SH3PXD2A: variants seen among roughly 807,000 people sequenced by gnomAD.
SH3PXD2A encodes the protein SH3 and PX domain-containing protein 2A.
Under a neutral mutation model 115.2 loss-of-function variants are expected in SH3PXD2A, and 32 were observed. The ratio of observed to expected loss-of-function variants is 0.28; its 90% CI spans 0.21 to 0.37. The LOEUF (loss-of-function observed/expected upper bound fraction) is 0.37. Among genes scored for constraint, SH3PXD2A ranks in the 10% least tolerant of loss-of-function variants. SH3PXD2A has a pLI of 1.00. For missense variants in SH3PXD2A, 1,328 were observed against 1,498.7 expected (o/e 0.89, Z 1.88); for synonymous variants, 610 against 629.1 (o/e 0.97, Z 0.45).
chr10:103,800,885 T>G (rs932178629), intron 2 of SH3PXD2A, among the ~76,000 whole-genome samples: 2 of 152,210 alleles, frequency 1.3e-5, no homozygotes, highest in African/African-American at 4.8e-5. Flanking sequence ...TCTGTTTCGG[T>G]CTTCCCTGAG....
chr10:103,603,932 C>A, intron 14 of SH3PXD2A, 143 bp from the exon 15 acceptor site: 2 of 905,370 alleles, frequency 2.2e-6, no homozygotes, highest in Non-Finnish European at 1.6e-6. Context: ...GTAAGTGGCC[C>A]AAAACCCAAT....
intron 6 of SH3PXD2A, among the ~76,000 whole-genome samples, chr10:103,670,640 A>G (rs778705602): frequency 6.6e-6 from 1 of 152,192 alleles, no homozygotes; most frequent in Non-Finnish European, 1.5e-5. Flanking sequence ...ACACCGGGTT[A>G]TCTGGAATGG....
At chr10:103,747,437 G>C (rs1264588179) in intron 3 of SH3PXD2A, among the ~76,000 whole-genome samples, 1 of 152,206 alleles carries the variant, frequency 6.6e-6, no homozygotes, top group Admixed American at 6.5e-5. Context: ...CCTCCCTCCA[G>C]GGGAGGCTGC....
At chr10:103,649,308 G>A (rs1483181149) in intron 8 of SH3PXD2A, among the ~76,000 whole-genome samples, 1 of 152,200 alleles carries the variant, frequency 6.6e-6, no homozygotes, top group Non-Finnish European at 1.5e-5. Context: ...AGCAAAGCCG[G>A]TGCTCAGAGA....
Position 103,758,890 on chromosome 10 carries a change from C to T in SH3PXD2A, c.229+8204G>A, listed in dbSNP as rs977161187. On this transcript the variant is annotated intron_variant, in intron 3 of 14. Coordinates refer to ENST00000369774, the MANE Select transcript of SH3PXD2A (RefSeq NM_001394015.1). ...ACATAGTTTGGCTTTTCCTGACATCCCAGGTCACCTGTGGGACCCAGAAAC... is the reference window on the plus strand; with the variant it reads ...ACATAGTTTGGCTTTTCCTGACATCTCAGGTCACCTGTGGGACCCAGAAAC... Among the ~76,000 whole-genome samples, 3 of 152,184 alleles carry T rather than the reference C, an allele frequency of 2.0e-5. No homozygotes were observed. The East Asian group carries it at 5.8e-4, about 29-fold the overall frequency.
At chr10:103,675,055 A>G (rs1564860749) in intron 6 of SH3PXD2A, among the ~76,000 whole-genome samples, 1 of 152,126 alleles carries the variant, frequency 6.6e-6, no homozygotes, top group East Asian at 1.9e-4. Context: ...GGTCAGAGAT[A>G]CCCATGGCAT....
At chr10:103,714,729 A>C (rs1046399704) in intron 5 of SH3PXD2A, among the ~76,000 whole-genome samples, 8 of 152,184 alleles carry the variant, frequency 5.3e-5, no homozygotes, top group Admixed American at 5.2e-4. Context: ...CCTCCTGCCC[A>C]TCAACATAAA....
rs867184209 is a variant in SH3PXD2A, at chr10:103,616,030, G to A, written c.920+1167C>T. 2.4e-4 allele frequency among the ~76,000 whole-genome samples: 36 copies of A among 151,092 alleles called. 1 individual carries two copies. In the South Asian group the frequency reaches 5.5e-3, roughly 23 times the overall value. On this transcript the variant is annotated intron_variant, in intron 11 of 14. Coordinates refer to ENST00000369774, the MANE Select transcript of SH3PXD2A (RefSeq NM_001394015.1). ...ATGCACCAGGGCTCCGGGGTGGGGC[G>A]GGGTGGGGGCGGGGTAGGGGCGGGG...
intron 5 of SH3PXD2A, among the ~76,000 whole-genome samples, chr10:103,720,269 A>G (rs973046394): frequency 1.3e-5 from 2 of 152,250 alleles, no homozygotes; most frequent in Non-Finnish European, 2.9e-5. Context: ...GTGAGGAGGC[A>G]AAACCACCAT....
intron 8 of SH3PXD2A, among the ~76,000 whole-genome samples, chr10:103,633,489 G>A (rs2036815575): frequency 1.3e-5 from 2 of 151,640 alleles, no homozygotes; most frequent in African/African-American, 4.9e-5. Context: ...ACTTTGGAAG[G>A]CCGAGGCAGG....
intron 8 of SH3PXD2A, among the ~76,000 whole-genome samples, chr10:103,648,143 A>G (rs1159107836): frequency 6.6e-6 from 1 of 152,136 alleles, no homozygotes; most frequent in Non-Finnish European, 1.5e-5. Flanking sequence ...AGGCGATGAG[A>G]AGGGCCCAGG....
chr10:103,626,691 C>T (rs1340113865), intron 9 of SH3PXD2A, among the ~76,000 whole-genome samples: 1 of 150,812 alleles, frequency 6.6e-6, no homozygotes, highest in Admixed American at 6.6e-5. Flanking sequence ...CTTTGGGAGG[C>T]CAAGGCATGT....
rs529558226 is a variant in SH3PXD2A, at chr10:103,594,270, A to G, written c.*7546T>C. The G allele has an allele frequency of 2.0e-5, 3 of 152,750 alleles. No homozygotes were observed. Among genetic ancestry groups the G allele is most frequent in the Admixed American group, 2.0e-4 (3 of 15,296 alleles). The allele number at this position is 152,750 out of a possible 1,614,324, so 9.5% of individuals were successfully genotyped here. On this transcript the variant is annotated 3_prime_UTR_variant, in exon 15 of 15. Coordinates refer to ENST00000369774, the MANE Select transcript of SH3PXD2A (RefSeq NM_001394015.1). Reference sequence around the variant, plus strand: ...ATGAGATTAAAAACAAACCAACTCCACTATTAAAAATGCTAGAAACATGGA... The same window carrying G: ...ATGAGATTAAAAACAAACCAACTCCGCTATTAAAAATGCTAGAAACATGGA...
intron 8 of SH3PXD2A, among the ~76,000 whole-genome samples, chr10:103,660,433 T>C (rs1471242013): frequency 1.3e-5 from 2 of 152,118 alleles, no homozygotes; most frequent in Non-Finnish European, 2.9e-5. Context: ...CTCACTGCGC[T>C]TGCTTTCCAG....
intron 8 of SH3PXD2A, among the ~76,000 whole-genome samples, chr10:103,630,327 A>G (rs991448067): frequency 6.6e-6 from 1 of 152,110 alleles, no homozygotes; most frequent in Admixed American, 6.5e-5. Flanking sequence ...CTGTTCTCCC[A>G]CAGATGCTGG....
At chr10:103,643,353 A>G (rs1024234698) in intron 8 of SH3PXD2A, among the ~76,000 whole-genome samples, 1 of 152,234 alleles carries the variant, frequency 6.6e-6, no homozygotes, top group Non-Finnish European at 1.5e-5. Context: ...GAACCTGAGT[A>G]ACACCTACAC....
In SH3PXD2A at chr10:103,781,466, GT is replaced by G. The variant is rs2038930991; in HGVS notation, c.154-14298del. 2.6e-5 allele frequency among the ~76,000 whole-genome samples: 4 copies of G among 152,344 alleles called. No individual in the cohort carries two copies. In the South Asian group the frequency reaches 8.3e-4, roughly 32 times the overall value. On this transcript the variant is annotated intron_variant, in intron 2 of 14. Transcript: ENST00000369774. ...CTGGAGCAGAGCCCTCTAGTGACTTGTTTAGGTCTGGGACCTGTGCAGAAAA... is the reference window on the plus strand; with the variant it reads ...CTGGAGCAGAGCCCTCTAGTGACTTGTTAGGTCTGGGACCTGTGCAGAAAA...
intron 6 of SH3PXD2A, chr10:103,673,616 A>G (rs1030082549): frequency 1.2e-4 from 19 of 152,204 alleles, no homozygotes; most frequent in African/African-American, 4.3e-4. Context: ...GATTCATAGT[A>G]AGGCTTCTTT....
chr10:103,654,707 A>G (rs1215983835), intron 8 of SH3PXD2A, among the ~76,000 whole-genome samples: 1 of 152,172 alleles, frequency 6.6e-6, no homozygotes, highest in Non-Finnish European at 1.5e-5. Flanking sequence ...ATAAGCCACC[A>G]TTCCTGGCCC....
Sources: gnomAD v4.1 joint callset for allele counts (sites outside exome capture counted in the v4.1 genomes callset) on GRCh38, gnomAD v4.1.1 for gene constraint, MANE v1.5 for transcripts, NCBI Gene and HGNC (gene_info 2026-07-23, HGNC 2026-07-21) for gene names.